The following IFRD1 variants were observed in gnomAD, a reference collection of about 807,000 sequenced individuals.
IFRD1 encodes interferon-related developmental regulator 1.
In IFRD1, 35 loss-of-function variants were observed where a neutral mutation model predicts 52.9. The observed-to-expected ratio is 0.66, with a 90% CI of 0.51 to 0.88. The LOEUF (loss-of-function observed/expected upper bound fraction) is 0.88, where lower values mean the gene tolerates loss of function less well. Ranked by LOEUF, IFRD1 falls within the 40% of genes least tolerant of loss-of-function variation. IFRD1 has a pLI of 0.00. For synonymous variants in IFRD1, 184 were observed against 188.4 expected (o/e 0.98, Z 0.19); for missense variants, 517 against 550.8 (o/e 0.94, Z 0.61).
intron 4 of IFRD1, chr7:112,458,105 A>G (rs576580544): frequency 9.9e-4 from 151 of 152,316 alleles, no homozygotes; most frequent in African/African-American, 3.3e-3. Context: ...ACTATATGCT[A>G]TAATGGTTGT....
At chr7:112,463,886 A>C (rs1462190062) in intron 8 of IFRD1, among the ~76,000 whole-genome samples, 23 of 25,434 alleles carry the variant, frequency 9.0e-4, no homozygotes, top group African/African-American at 2.9e-3. Flanking sequence ...ACACACACAC[A>C]CACACACACC....
At chr7:112,442,909 G>GA (rs1794928837) in intron 1 of IFRD1, among the ~76,000 whole-genome samples, 1 of 152,150 alleles carries the variant, frequency 6.6e-6, no homozygotes, top group Non-Finnish European at 1.5e-5. Flanking sequence ...CAGAGTTTAA[G>GA]AAAAAATGAT....
At chr7:112,470,505 AAG>A (rs1483446120) in intron 9 of IFRD1, among the ~76,000 whole-genome samples, 1 of 152,140 alleles carries the variant, frequency 6.6e-6, no homozygotes. Context: ...TGGGAAGGGG[AAG>A]AGAGTTGATA....
intron 2 of IFRD1, 46 bp from the exon 3 acceptor site, chr7:112,455,956 T>G: frequency 6.8e-7 from 1 of 1,463,328 alleles, no homozygotes; most frequent in Non-Finnish European, 9.6e-7. Context: ...TTATTCCCTG[T>G]TTTTTTTCTT....
chr7:112,437,691 G>C (rs1349691569), intron 1 of IFRD1, among the ~76,000 whole-genome samples: 1 of 151,264 alleles, frequency 6.6e-6, no homozygotes, highest in Non-Finnish European at 1.5e-5. Flanking sequence ...GGCCACACTA[G>C]ATAAGGCAAT....
chr7:112,458,710 C>A, intron 4 of IFRD1, 151 bp from the exon 5 acceptor site: 1 of 703,366 alleles, frequency 1.4e-6, no homozygotes, highest in South Asian at 1.7e-5. Flanking sequence ...AGCTCTTTAG[C>A]CTAAGTTTGT....
chr7:112,432,231 A>T (rs528900309), intron 1 of IFRD1, among the ~76,000 whole-genome samples: 2 of 152,360 alleles, frequency 1.3e-5, no homozygotes, highest in South Asian at 4.1e-4. Context: ...TACAGAGTGT[A>T]CAGTTTTTAG....
intron 8 of IFRD1, among the ~76,000 whole-genome samples, chr7:112,464,641 G>A (rs1795563803): frequency 6.6e-6 from 1 of 152,180 alleles, no homozygotes; most frequent in Non-Finnish European, 1.5e-5. Context: ...ATTGCATTTG[G>A]CAGTAGTCTA....
At chr7:112,426,272 G>A (rs1021011781) in intron 1 of IFRD1, among the ~76,000 whole-genome samples, 1 of 152,146 alleles carries the variant, frequency 6.6e-6, no homozygotes, top group African/African-American at 2.4e-5. Context: ...AGCTAGAAAC[G>A]ATATTCTCCA....
At chr7:112,455,912 C>A (rs772837523) in intron 2 of IFRD1, 45 bp downstream of exon 2, 2 of 1,481,930 alleles carry the variant, frequency 1.3e-6, no homozygotes, top group African/African-American at 2.8e-5. Context: ...TAAAATGTTT[C>A]AGGTGGAGGA....
chr7:112,431,241 A>G (rs150505352), intron 1 of IFRD1, among the ~76,000 whole-genome samples: 2,275 of 152,304 alleles, frequency 0.015, 17 homozygotes, highest in South Asian at 0.021. Flanking sequence ...GAAGACATAT[A>G]CTATTGTTTT....
At chr7:112,460,418 A>G (rs1338698770) in intron 5 of IFRD1, among the ~76,000 whole-genome samples, 1 of 151,204 alleles carries the variant, frequency 6.6e-6, no homozygotes, top group Non-Finnish European at 1.5e-5. Flanking sequence ...CTCGCTTTTA[A>G]TATTTTGTAG....
intron 1 of IFRD1, among the ~76,000 whole-genome samples, chr7:112,434,041 C>T (rs187077764): frequency 7.2e-5 from 11 of 151,958 alleles, no homozygotes; most frequent in Admixed American, 2.6e-4. Flanking sequence ...AGGCTGGTCT[C>T]GAACTCCTGA....
In IFRD1 at chr7:112,450,597, C is replaced by A; in HGVS notation, c.-92C>A. The A allele has an allele frequency of 1.9e-6, 2 of 1,025,892 alleles. No individual in the cohort carries two copies. Among genetic ancestry groups the A allele is most frequent in the South Asian group, 1.3e-5 (1 of 76,332 alleles). 63.5% of individuals were successfully genotyped at this position (1,025,892 alleles called of 1,614,324 possible). A position where few individuals can be genotyped will look rare whatever the true frequency, so the allele number is the denominator to read the frequency against. ...TGTTAGCCGAAGACTCGCCTCTCAG[C>A]CGCCCGCCGCACAGACGCACGAGTA... On this transcript the variant is annotated 5_prime_UTR_variant, in exon 1 of 12. Transcript: ENST00000403825.
At chr7:112,467,818 G>GA in intron 8 of IFRD1, 163 bp from the exon 9 acceptor site, 1 of 692,612 alleles carries the variant, frequency 1.4e-6, no homozygotes, top group Non-Finnish European at 2.5e-6. Context: ...ATTTTTGCAT[G>GA]AAAACATGTG....
intron 1 of IFRD1, among the ~76,000 whole-genome samples, chr7:112,439,387 C>G (rs756183592): frequency 6.6e-5 from 10 of 152,162 alleles, no homozygotes; most frequent in Non-Finnish European, 1.3e-4. Flanking sequence ...CAAATGGTAT[C>G]ATCATTTTAA....
intron 5 of IFRD1, among the ~76,000 whole-genome samples, chr7:112,461,115 C>A (rs905148019): frequency 6.6e-6 from 1 of 151,988 alleles, no homozygotes; most frequent in African/African-American, 2.4e-5. Flanking sequence ...TATATGATTC[C>A]CAGCCTCTTT....
rs796905009 is a variant in IFRD1, at chr7:112,424,662, G to C, written c.-182+1230G>C. On this transcript the variant is annotated intron_variant, in intron 1 of 12. Coordinates refer to the IFRD1 transcript ENST00000005558. ...ACTCCTGACCTCAGGTGATCCACCC[G>C]CCTCAGCCTCCCAAAGTGCTGGGAT... Among the ~76,000 whole-genome samples, 93 of 152,104 alleles carry C rather than the reference G, an allele frequency of 6.1e-4. No individual in the cohort carries two copies. The Middle Eastern group carries it at 0.014, about 22-fold the overall frequency.
intron 4 of IFRD1, 107 bp downstream of exon 4, chr7:112,457,145 A>G: frequency 4.2e-6 from 5 of 1,179,132 alleles, no homozygotes; most frequent in Non-Finnish European, 6.3e-6. Context: ...CACTCTTAAA[A>G]TTTTCTAATA....
Sources: gnomAD v4.1 joint callset for allele counts (sites outside exome capture counted in the v4.1 genomes callset) on GRCh38, gnomAD v4.1.1 for gene constraint, MANE v1.5 for transcripts, NCBI Gene and HGNC (gene_info 2026-07-23, HGNC 2026-07-21) for gene names.